The following TMEM132B variants were observed in gnomAD, a reference collection of about 807,000 sequenced individuals.
TMEM132B encodes the protein transmembrane protein 132B.
TMEM132B carries 18 observed loss-of-function variants against 90.8 expected under a neutral mutation model. That is an observed-to-expected ratio of 0.20 (90% CI 0.14 to 0.29). TMEM132B has a LOEUF of 0.29. Ranked by LOEUF, TMEM132B falls within the 10% of genes least tolerant of loss-of-function variation. The pLI is 1.00. For missense variants in TMEM132B, 1,096 were observed against 1,326.8 expected, an observed-to-expected ratio of 0.83 and a Z score of 2.70; for synonymous variants, 504 against 523.3, an observed-to-expected ratio of 0.96 and a Z score of 0.50.
intron 5 of TMEM132B, among the ~76,000 whole-genome samples, chr12:125,596,006 C>T (rs1321155771): frequency 6.6e-6 from 1 of 151,944 alleles, no homozygotes; most frequent in East Asian, 1.9e-4. Flanking sequence ...GAGAAACTCA[C>T]TCATGTCAGG....
intron 4 of TMEM132B, among the ~76,000 whole-genome samples, chr12:125,563,146 C>CATAATA (rs759147385): frequency 0.042 from 3,899 of 92,526 alleles, 146 homozygotes; most frequent in African/African-American, 0.11. Flanking sequence ...CACCATAATG[C>CATAATA]GTAATAATAA....
At chr12:125,284,376 G>A (rs1365883042) in intron 1 of TMEM132B, among the ~76,000 whole-genome samples, 1 of 152,196 alleles carries the variant, frequency 6.6e-6, no homozygotes, top group Admixed American at 6.5e-5. Flanking sequence ...TATTTGTTGA[G>A]CACTGTGCAT....
chr12:125,250,663 C>T (rs967431979), intron 1 of TMEM132B, among the ~76,000 whole-genome samples: 1 of 152,244 alleles, frequency 6.6e-6, no homozygotes, highest in African/African-American at 2.4e-5. Context: ...CCTTTGCTTT[C>T]CTTGGCTCTC....
intron 1 of TMEM132B, among the ~76,000 whole-genome samples, chr12:125,233,413 C>T (rs1418672033): frequency 6.6e-6 from 1 of 152,174 alleles, no homozygotes; most frequent in Non-Finnish European, 1.5e-5. Flanking sequence ...GCCATCATCT[C>T]CACCTTCCAG....
At chr12:125,388,146 G>A (rs1021798803) in intron 2 of TMEM132B, among the ~76,000 whole-genome samples, 3 of 152,058 alleles carry the variant, frequency 2.0e-5, no homozygotes, top group Non-Finnish European at 2.9e-5. Context: ...ACCTATTGTC[G>A]CCCGGGTGCT....
At chr12:125,247,344 T>C (rs1044819581) in intron 1 of TMEM132B, among the ~76,000 whole-genome samples, 2 of 152,206 alleles carry the variant, frequency 1.3e-5, no homozygotes, top group African/African-American at 4.8e-5. Context: ...ACAGGCTCTA[T>C]CTAGTTTAAA....
chr12:125,455,217 G>A (rs993730059), intron 3 of TMEM132B, among the ~76,000 whole-genome samples: 3 of 152,054 alleles, frequency 2.0e-5, no homozygotes, highest in Admixed American at 6.6e-5. Context: ...ATAAAGACCC[G>A]ACTAGGGGGA....
At chr12:125,351,069 T>C (rs1312020143) in intron 2 of TMEM132B, among the ~76,000 whole-genome samples, 1 of 152,106 alleles carries the variant, frequency 6.6e-6, no homozygotes, top group Non-Finnish European at 1.5e-5. Flanking sequence ...CAGTATCCAG[T>C]GTAGTGAGAG....
chr12:125,414,865 G>A (rs1328634783), intron 2 of TMEM132B, among the ~76,000 whole-genome samples: 1 of 152,168 alleles, frequency 6.6e-6, no homozygotes, highest in Non-Finnish European at 1.5e-5. Flanking sequence ...ATCATTTCAG[G>A]AGCAGTGTAC....
chr12:125,203,751 A>G (rs1873119905), intron 1 of TMEM132B, among the ~76,000 whole-genome samples: 1 of 152,222 alleles, frequency 6.6e-6, no homozygotes, highest in Admixed American at 6.5e-5. Context: ...GGGATGTATC[A>G]TATATACTAG....
chr12:125,478,669 C>A (rs1881956541), intron 3 of TMEM132B, among the ~76,000 whole-genome samples: 1 of 152,144 alleles, frequency 6.6e-6, no homozygotes, highest in African/African-American at 2.4e-5. Flanking sequence ...AGAATGGAAC[C>A]AAGCTGGAAA....
intron 3 of TMEM132B, among the ~76,000 whole-genome samples, chr12:125,426,194 A>G (rs1256637110): frequency 6.6e-6 from 1 of 152,156 alleles, no homozygotes; most frequent in African/African-American, 2.4e-5. Flanking sequence ...CTCCCCAATG[A>G]TACATGATGC....
chr12:125,555,603 T>C (rs370873433), intron 4 of TMEM132B, among the ~76,000 whole-genome samples: 75 of 148,026 alleles, frequency 5.1e-4, no homozygotes, highest in Middle Eastern at 3.5e-3. Context: ...TTAGGAGATA[T>C]ACCTAATGTA....
intron 1 of TMEM132B, among the ~76,000 whole-genome samples, chr12:125,208,625 C>A (rs1316625985): frequency 6.6e-6 from 1 of 152,196 alleles, no homozygotes; most frequent in Non-Finnish European, 1.5e-5. Flanking sequence ...GTCCGGACCG[C>A]ATAGTGTTTT....
chr12:125,476,607 A>G (rs1247354249), intron 3 of TMEM132B, among the ~76,000 whole-genome samples: 2 of 152,234 alleles, frequency 1.3e-5, no homozygotes, highest in African/African-American at 4.8e-5. Flanking sequence ...GTGTTCAAGT[A>G]TCTGAGTGCT....
chr12:125,279,066 T>C (rs1440439627), intron 1 of TMEM132B, among the ~76,000 whole-genome samples: 1 of 152,178 alleles, frequency 6.6e-6, no homozygotes, highest in Non-Finnish European at 1.5e-5. Flanking sequence ...ACAGGGGTCA[T>C]TGGTAGTGGA....
Position 125,230,499 on chromosome 12 carries a change from G to C in TMEM132B, c.67+43633G>C, listed in dbSNP as rs546274102. ...TTTTTCTCATTTTTTTATTTTTTCT[G>C]AGACGGAGTCTCGCTCTGTTGCCCA... On this transcript the variant is annotated intron_variant, in intron 1 of 8. Coordinates refer to ENST00000682704, the MANE Select transcript of TMEM132B (RefSeq NM_001366854.1). 4.0e-5 allele frequency among the ~76,000 whole-genome samples: 6 copies of C among 151,506 alleles called. No individual in the cohort carries two copies. In the South Asian group the frequency reaches 1.3e-3, roughly 32 times the overall value.
intron 3 of TMEM132B, among the ~76,000 whole-genome samples, chr12:125,441,280 A>C (rs996852638): frequency 6.6e-6 from 1 of 152,222 alleles, no homozygotes. Flanking sequence ...ACAAAGAGTG[A>C]TGTGTTTTCA....
chr12:125,579,130 T>G (rs943707696), intron 4 of TMEM132B, among the ~76,000 whole-genome samples: 3 of 152,146 alleles, frequency 2.0e-5, no homozygotes, highest in Admixed American at 6.5e-5. Context: ...ATTTATACTA[T>G]TTTTGTTCAT....
Sources: gnomAD v4.1 joint callset for allele counts (sites outside exome capture counted in the v4.1 genomes callset) on GRCh38, gnomAD v4.1.1 for gene constraint, MANE v1.5 for transcripts, NCBI Gene and HGNC (gene_info 2026-07-23, HGNC 2026-07-21) for gene names.